The following FLI1 variants were observed in gnomAD, a reference collection of about 807,000 sequenced individuals.
FLI1 encodes Friend leukemia integration 1 transcription factor.
Under a neutral mutation model 53.1 loss-of-function variants are expected in FLI1, and 13 were observed. The observed-to-expected ratio is 0.24, with a 90% CI of 0.16 to 0.39. The LOEUF (loss-of-function observed/expected upper bound fraction) is 0.39, where lower values mean the gene tolerates loss of function less well. FLI1 is among the 10% of genes least tolerant of loss of function. The pLI, the probability that FLI1 is intolerant of heterozygous loss-of-function variation, is 1.00. For missense variants in FLI1, 424 were observed against 600.5 expected (o/e 0.71, Z 3.07); for synonymous variants, 244 against 236.7 (o/e 1.03, Z -0.28).
intron 4 of FLI1, 76 bp from the exon 5 acceptor site, chr11:128,781,882 C>T: frequency 8.7e-7 from 1 of 1,145,156 alleles, no homozygotes; most frequent in Admixed American, 1.7e-5. Context: ...CCTTTCTACT[C>T]CCTCCTCATG....
intron 1 of FLI1, among the ~76,000 whole-genome samples, chr11:128,749,229 G>A (rs903740179): frequency 6.6e-6 from 1 of 152,190 alleles, no homozygotes; most frequent in African/African-American, 2.4e-5. Context: ...TTGAATATGG[G>A]TTTTCGGTTG....
chr11:128,807,355 C>T, intron 7 of FLI1, 116 bp downstream of exon 7: 2 of 616,598 alleles, frequency 3.2e-6, no homozygotes, highest in Non-Finnish European at 5.3e-6. Flanking sequence ...TTATTTCTCT[C>T]AAAGAGGGTC....
chr11:128,694,892 C>T (rs528632391), intron 1 of FLI1, among the ~76,000 whole-genome samples: 4 of 152,278 alleles, frequency 2.6e-5, no homozygotes, highest in African/African-American at 9.6e-5. Flanking sequence ...CTCAGTCGCC[C>T]GGCTCTAGGC....
At chr11:128,748,201 C>T in intron 1 of FLI1, 2 of 913,580 alleles carry the variant, frequency 2.2e-6, no homozygotes, top group Non-Finnish European at 2.6e-6. Context: ...AAATAAAGTA[C>T]TTTCGTCTGC....
chr11:128,791,142 C>A (rs1281864686), intron 5 of FLI1, among the ~76,000 whole-genome samples: 1 of 152,140 alleles, frequency 6.6e-6, no homozygotes, highest in African/African-American at 2.4e-5. Flanking sequence ...CCGCTAGAGA[C>A]AAGTTCCAGA....
chr11:128,799,631 C>T (rs985040587), intron 5 of FLI1, among the ~76,000 whole-genome samples: 1 of 152,154 alleles, frequency 6.6e-6, no homozygotes, highest in African/African-American at 2.4e-5. Context: ...CCAGGCCCAC[C>T]AGAGAGAAAG....
At chr11:128,765,804 TGC>T (rs1389548569) in intron 2 of FLI1, among the ~76,000 whole-genome samples, 6 of 151,970 alleles carry the variant, frequency 3.9e-5, no homozygotes, top group South Asian at 2.1e-4. Flanking sequence ...GTAATGTGTA[TGC>T]GTGTGTGTGC....
intron 1 of FLI1, among the ~76,000 whole-genome samples, chr11:128,703,698 C>T (rs897737902): frequency 6.6e-6 from 1 of 151,934 alleles, no homozygotes; most frequent in Non-Finnish European, 1.5e-5. Context: ...CAAAAATTAG[C>T]TGGGTGTGGT....
Position 128,788,187 on chromosome 11 carries a change from G to C in FLI1, c.655+6164G>C, listed in dbSNP as rs1310531647. Among the ~76,000 whole-genome samples, 4 of 152,142 alleles carry C rather than the reference G, an allele frequency of 2.6e-5. No individual in the cohort carries two copies. In the East Asian group the frequency reaches 7.7e-4, roughly 29 times the overall value. ...CCAAGCTGCTTTAAAACTTATTCGG[G>C]GGCCGGGCATGGTGGTTCATGCCTG... On this transcript the variant is annotated intron_variant, in intron 5 of 8. Transcript: ENST00000527786.
At chr11:128,763,764 C>T (rs567666382) in intron 2 of FLI1, among the ~76,000 whole-genome samples, 1 of 152,206 alleles carries the variant, frequency 6.6e-6, no homozygotes. Context: ...GGAGGATACA[C>T]AGGATCCTGG....
At chr11:128,719,140 C>G (rs562263116) in intron 1 of FLI1, among the ~76,000 whole-genome samples, 27 of 152,126 alleles carry the variant, frequency 1.8e-4, no homozygotes, top group African/African-American at 4.8e-4. Context: ...GCCTGGATTG[C>G]AGTATGGGAG....
chr11:128,755,571 T>C (rs1445838484), intron 1 of FLI1, among the ~76,000 whole-genome samples: 2 of 152,182 alleles, frequency 1.3e-5, no homozygotes, highest in Non-Finnish European at 2.9e-5. Flanking sequence ...CATAATTCCT[T>C]GAGCCCAGAT....
At chr11:128,686,623 A>C (rs1865808611) in exon 1 of FLI1, 2 of 381,310 alleles carry the variant, frequency 5.2e-6, no homozygotes, top group Non-Finnish European at 1.1e-5. Context: ...TCTCCCTCCC[A>C]GGCTGGTTCT....
chr11:128,760,896 G>T (rs914449971), intron 2 of FLI1, among the ~76,000 whole-genome samples: 3 of 152,074 alleles, frequency 2.0e-5, no homozygotes, highest in Non-Finnish European at 4.4e-5. Context: ...CCTGCCTGGT[G>T]CAAGCCAGCA....
chr11:128,760,173 A>G (rs1941051727), intron 2 of FLI1, among the ~76,000 whole-genome samples: 1 of 152,162 alleles, frequency 6.6e-6, no homozygotes, highest in African/African-American at 2.4e-5. Flanking sequence ...ACGTTTTCCC[A>G]TATTATCTTA....
upstream of FLI1, among the ~76,000 whole-genome samples, chr11:128,689,019 G>C (rs1421395710): frequency 6.6e-6 from 1 of 152,160 alleles, no homozygotes; most frequent in African/African-American, 2.4e-5. Context: ...CTGGCTGCCA[G>C]GCAAGTTCTA....
intron 5 of FLI1, among the ~76,000 whole-genome samples, chr11:128,784,634 A>C (rs1005959499): frequency 5.9e-5 from 9 of 152,094 alleles, no homozygotes; most frequent in Non-Finnish European, 1.0e-4. Context: ...AATCTGTCTG[A>C]ACGACCCATC....
At chr11:128,752,576 A>G (rs1940693584) in intron 1 of FLI1, among the ~76,000 whole-genome samples, 1 of 152,220 alleles carries the variant, frequency 6.6e-6, no homozygotes, top group African/African-American at 2.4e-5. Flanking sequence ...AATTCACAAG[A>G]AAGAACCTGT....
At chr11:128,705,594 G>C (rs1938512841) in intron 1 of FLI1, among the ~76,000 whole-genome samples, 2 of 152,092 alleles carry the variant, frequency 1.3e-5, no homozygotes, top group Non-Finnish European at 2.9e-5. Context: ...TGTTTTGCGA[G>C]GTTAAAAGGA....
Sources: gnomAD v4.1 joint callset for allele counts (sites outside exome capture counted in the v4.1 genomes callset) on GRCh38, gnomAD v4.1.1 for gene constraint, MANE v1.5 for transcripts, NCBI Gene and HGNC (gene_info 2026-07-23, HGNC 2026-07-21) for gene names.